The following TOR1AIP1 variants were observed in gnomAD, a reference collection of about 807,000 sequenced individuals.
TOR1AIP1 encodes torsin 1A interacting protein 1.
TOR1AIP1 carries 54 observed loss-of-function variants against 63.3 expected under a neutral mutation model. That is an observed-to-expected ratio of 0.85 (90% CI 0.69 to 1.07). The LOEUF (loss-of-function observed/expected upper bound fraction) is 1.07, where lower values mean the gene tolerates loss of function less well. TOR1AIP1 is among the 50% of genes least tolerant of loss of function. The pLI is 0.00. For missense variants in TOR1AIP1, 736 were observed against 715.0 expected (o/e 1.03, Z -0.33); for synonymous variants, 294 against 273.5 (o/e 1.07, Z -0.74).
chr1:179,882,529 G>A lies in TOR1AIP1; in HGVS notation c.27G>A (p.Glu9=), dbSNP rs1571718505. 2 of 1,466,310 alleles carry A rather than the reference G, an allele frequency of 1.4e-6. No homozygotes were observed. Among genetic ancestry groups the A allele is most frequent in the Non-Finnish European group, 1.8e-6 (2 of 1,109,672 alleles). 90.8% of individuals were successfully genotyped at this position (1,466,310 alleles called of 1,614,324 possible). ...TGGCGGGCGACGGGCGGCGGGCAGA[G>A]GCGGTGCGGGAAGGATGGGGTGTGT... The part of the protein sequence containing the change: MAGDGRRA[E]AVREGWGVYV... Residue 9 remains glutamate (E), a synonymous_variant, in exon 1 of 10, where the codon GAG becomes GAA. Transcript: ENST00000606911.
intron 8 of TOR1AIP1, among the ~76,000 whole-genome samples, chr1:179,912,790 TG>T (rs2148482060): frequency 6.6e-6 from 1 of 152,310 alleles, no homozygotes; most frequent in African/African-American, 2.4e-5. Flanking sequence ...TGGAGTTTTT[TG>T]TCATATGATC....
At chr1:179,916,871 T>G (rs1649035832) in intron 9 of TOR1AIP1, among the ~76,000 whole-genome samples, 1 of 151,826 alleles carries the variant, frequency 6.6e-6, no homozygotes, top group Admixed American at 6.6e-5. Context: ...CCCAGCTAGT[T>G]TTTTGTATTT....
chr1:179,917,651 A>T lies in TOR1AIP1; in HGVS notation c.1164A>T (p.Lys388Asn). The T allele has an allele frequency of 6.2e-7, 1 of 1,614,226 alleles. No individual in the cohort carries two copies. The highest frequency in any genetic ancestry group is 1.1e-5 in the South Asian group (1 of 91,088). ...KYQGQDEKLW[K>N]RSQTFLEKHL... ...AAGGTCAAGATGAGAAGCTGTGGAA[A>T]AGGAGCCAAACATTCCTGGAAAAAC... The change falls in exon 10 of 10, where the codon AAA (lysine) becomes AAT (asparagine). Residue 388 changes from lysine (K) to asparagine (N), a missense_variant. By Grantham distance (94) the Lys-to-Asn change is moderately conservative. Around this residue, in one of 2 missense-constraint regions of TOR1AIP1, gnomAD observed 272 missense variants for 344.1 expected, o/e 0.79. Transcript: ENST00000606911.
intron 2 of TOR1AIP1, chr1:179,887,933 A>G (rs1364281421): frequency 6.6e-6 from 1 of 152,240 alleles, no homozygotes; most frequent in African/African-American, 2.4e-5. Flanking sequence ...AAAGCAGACA[A>G]GTGAGGAAGC....
chr1:179,903,342 A>T (rs529686953), intron 5 of TOR1AIP1, among the ~76,000 whole-genome samples: 1 of 152,290 alleles, frequency 6.6e-6, no homozygotes, highest in East Asian at 1.9e-4. Flanking sequence ...GCAAAAATGG[A>T]TATTAATGAT....
Position 179,917,446 on chromosome 1 carries a change from G to C in TOR1AIP1, c.965-6G>C. The C allele has an allele frequency of 6.2e-7, 1 of 1,605,460 alleles. No individual in the cohort carries two copies. On this transcript the variant is annotated splice_polypyrimidine_tract_variant and splice_region_variant and intron_variant, in intron 9 of 9. Transcript: ENST00000606911. ...TATATCTGTCATTTCTTTTTTGTCT[G>C]AGTAGAAGTGACTGGACAACCCCAA...
intron 2 of TOR1AIP1, among the ~76,000 whole-genome samples, chr1:179,885,752 C>CT (rs1387631418): frequency 2.7e-5 from 4 of 150,144 alleles, no homozygotes; most frequent in African/African-American, 9.8e-5. Flanking sequence ...TTTCTTTTTT[C>CT]TTTTTTGAGA....
Sources: allele counts gnomAD v4.1 joint callset (sites outside exome capture counted in the v4.1 genomes callset), GRCh38; gene constraint gnomAD v4.1.1; regional missense constraint gnomAD v4.1.1; transcripts MANE v1.5; gene names NCBI Gene and HGNC (gene_info 2026-07-23, HGNC 2026-07-21).